PCNX2: variants seen among roughly 807,000 people sequenced by gnomAD.
PCNX2 encodes the protein pecanex-like protein 2.
PCNX2 carries 168 observed loss-of-function variants against 223.8 expected under a neutral mutation model. The ratio of observed to expected loss-of-function variants is 0.75; its 90% CI spans 0.66 to 0.85. The LOEUF (loss-of-function observed/expected upper bound fraction) is 0.85, where lower values mean the gene tolerates loss of function less well. Among genes scored for constraint, PCNX2 ranks in the 40% least tolerant of loss-of-function variants. The pLI is 0.00. For missense variants in PCNX2, 2,507 were observed against 2,675.5 expected (o/e 0.94, Z 1.39); for synonymous variants, 1,006 against 1,052.6 (o/e 0.96, Z 0.86).
chr1:233,123,639 T>C (rs1431967474), intron 21 of PCNX2, among the ~76,000 whole-genome samples: 1 of 152,136 alleles, frequency 6.6e-6, no homozygotes, highest in Admixed American at 6.5e-5. Flanking sequence ...GTTGTGTCTA[T>C]CACAACCAAG....
chr1:233,187,586 C>T (rs1680177715), intron 15 of PCNX2, among the ~76,000 whole-genome samples: 1 of 152,150 alleles, frequency 6.6e-6, no homozygotes, highest in Non-Finnish European at 1.5e-5. Flanking sequence ...AATTGCAATT[C>T]CATTTTGAAC....
rs1288643253 is a variant in PCNX2 at position 233,000,304 on chromosome 1, C to T, written c.5328+1G>A. The T allele has an allele frequency of 6.2e-7, 1 of 1,613,892 alleles. No homozygotes were observed. Among genetic ancestry groups the T allele is most frequent in the South Asian group, 1.1e-5 (1 of 91,064 alleles). On this transcript the variant is annotated splice_donor_variant, in intron 30 of 33. Coordinates refer to ENST00000258229, the MANE Select transcript of PCNX2 (RefSeq NM_014801.4). LOFTEE classifies it high-confidence loss of function. This position sits in a 1 kb window ranked among gnomAD's most constrained non-coding sequence, Gnocchi z 4.6. ...GGACCCAGAAAGTGTGGCCGCCATA[C>T]CTTGATCACCTTGAAGCTCAGGAAG...
At chr1:233,134,464 C>A (rs939991329) in intron 21 of PCNX2, among the ~76,000 whole-genome samples, 22 of 152,096 alleles carry the variant, frequency 1.4e-4, no homozygotes, top group African/African-American at 5.3e-4. Context: ...TTCAGACAAA[C>A]TAAGCGTATT....
At chr1:233,289,953 T>A (rs771552150) in intron 1 of PCNX2, among the ~76,000 whole-genome samples, 2 of 152,156 alleles carry the variant, frequency 1.3e-5, no homozygotes, top group Admixed American at 6.5e-5. Context: ...TTGGAGAGGC[T>A]ACCTTTCCAT....
In PCNX2 at chr1:233,057,850, ACT is replaced by A. The variant is rs1375431952; in HGVS notation, c.4077-562_4077-561del. On this transcript the variant is annotated intron_variant, in intron 23 of 33. Coordinates refer to ENST00000258229, the MANE Select transcript of PCNX2 (RefSeq NM_014801.4). ...ACTCCAACCTGGGTGACAGAGCAAG[ACT>A]CAAAAAAAAAAAAGCAAGTGTTTAA... 3.4e-6 allele frequency: 3 copies of A among 887,680 alleles called. No individual in the cohort carries two copies. The East Asian group carries it at 5.2e-4, about 153-fold the overall frequency. 55.0% of individuals were successfully genotyped at this position (887,680 alleles called of 1,614,324 possible).
the PCNX2 span, among the ~76,000 whole-genome samples, chr1:233,318,076 T>G: frequency 6.6e-6 from 1 of 152,222 alleles, no homozygotes; most frequent in Non-Finnish European, 1.5e-5. Context: ...GTATGACAGC[T>G]GGCATTTCCA....
intron 14 of PCNX2, 36 bp downstream of exon 14, chr1:233,200,118 T>C: frequency 6.8e-7 from 1 of 1,465,628 alleles, no homozygotes; most frequent in Non-Finnish European, 9.3e-7. Context: ...GAACTCTGAA[T>C]TCCTTTACAG....
chr1:233,054,326 G>T lies in PCNX2; in HGVS notation c.4293C>A (p.His1431Gln). ...CAAGACCATTTCCAATTTCAATCAG[G>T]TGAACAAAGGCATTGAGGTCATCTG... ...LASDDLNAFV[H>Q]LIEIGNGLVT... is the part of the protein sequence containing the mutation. The change falls in exon 25 of 34, where the codon CAC (histidine) becomes CAA (glutamine). Residue 1431 changes from histidine (H) to glutamine (Q), a missense_variant. Coordinates refer to ENST00000258229, the MANE Select transcript of PCNX2 (RefSeq NM_014801.4). 6.2e-7 allele frequency: 1 copy of T among 1,613,860 alleles called. No homozygotes were observed. Among genetic ancestry groups the T allele is most frequent in the South Asian group, 1.1e-5 (1 of 91,072 alleles).
At chr1:233,207,505 G>A (rs567569217) in intron 13 of PCNX2, among the ~76,000 whole-genome samples, 30 of 152,268 alleles carry the variant, frequency 2.0e-4, no homozygotes, top group Non-Finnish European at 1.6e-4. Flanking sequence ...ATATGCCGTC[G>A]GGTCAATACC....
chr1:233,309,402 G>A, the PCNX2 span, among the ~76,000 whole-genome samples: 9 of 151,738 alleles, frequency 5.9e-5, no homozygotes, highest in South Asian at 1.0e-3. Context: ...TCAGCTGGGC[G>A]TGGTGGCGGC....
Position 233,001,685 on chromosome 1 carries a change from C to T in PCNX2, c.4953-4G>A. ...GCCATACAGGAAAGAATCCAGGCTG[C>T]AAAACAAAGTCCTATTACTATGGAA... On this transcript the variant is annotated splice_region_variant and splice_polypyrimidine_tract_variant and intron_variant, in intron 28 of 33. Transcript: ENST00000258229. This position sits in a 1 kb window ranked among gnomAD's most constrained non-coding sequence, Gnocchi z 4.2. 1 of 1,564,848 alleles carries T rather than the reference C, an allele frequency of 6.4e-7. No homozygotes were observed. The highest frequency in any genetic ancestry group is 8.7e-7 in the Non-Finnish European group (1 of 1,153,950).
intron 21 of PCNX2, among the ~76,000 whole-genome samples, chr1:233,099,182 T>G (rs1021182307): frequency 3.9e-5 from 6 of 152,222 alleles, no homozygotes; most frequent in African/African-American, 1.4e-4. Flanking sequence ...AACTTTACCA[T>G]GCCTCCTTGA....
chr1:233,021,486 C>A (rs1670887582), intron 26 of PCNX2, among the ~76,000 whole-genome samples: 1 of 147,258 alleles, frequency 6.8e-6, no homozygotes, highest in African/African-American at 2.7e-5. Context: ...CAGAGTGAGA[C>A]TCTTTCTCAA....
intron 3 of PCNX2, among the ~76,000 whole-genome samples, 187 bp downstream of exon 3, chr1:233,261,858 A>G (rs1199066889): frequency 3.3e-5 from 5 of 152,176 alleles, no homozygotes; most frequent in Admixed American, 3.3e-4. Flanking sequence ...ACGACTGGGC[A>G]TTTATTTTAT....
intron 17 of PCNX2, among the ~76,000 whole-genome samples, chr1:233,164,176 A>T (rs1338571151): frequency 6.6e-6 from 1 of 152,208 alleles, no homozygotes; most frequent in Non-Finnish European, 1.5e-5. Flanking sequence ...AGACATACAA[A>T]CGGCCAAAAA....
intron 1 of PCNX2, chr1:233,291,784 A>G (rs1661781366): frequency 2.0e-6 from 2 of 983,192 alleles, no homozygotes; most frequent in South Asian, 4.7e-5. Context: ...AACACATGTA[A>G]TAAGTGACAA....
At chr1:233,130,026 G>T (rs191218962) in intron 21 of PCNX2, among the ~76,000 whole-genome samples, 7 of 152,062 alleles carry the variant, frequency 4.6e-5, no homozygotes, top group Admixed American at 1.3e-4. Flanking sequence ...TCACTCCTGA[G>T]GCCAGCCAGA....
intron 16 of PCNX2, 91 bp from the exon 17 acceptor site, chr1:233,177,989 A>G: frequency 2.1e-6 from 2 of 931,288 alleles, no homozygotes; most frequent in South Asian, 1.6e-5. Flanking sequence ...ACACCCACAC[A>G]TGACAAAAAC....
intron 31 of PCNX2, among the ~76,000 whole-genome samples, chr1:232,998,811 CAG>C (rs1408407354): frequency 1.3e-5 from 2 of 152,152 alleles, no homozygotes; most frequent in Non-Finnish European, 2.9e-5. Flanking sequence ...TTCTTGCTAA[CAG>C]ATGTGGAATG....
Sources: allele counts gnomAD v4.1 joint callset (sites outside exome capture counted in the v4.1 genomes callset), GRCh38; gene constraint gnomAD v4.1.1; non-coding constraint Gnocchi (gnomAD v3.1); transcripts MANE v1.5; gene names NCBI Gene and HGNC (gene_info 2026-07-23, HGNC 2026-07-21).